The following SCAPER variants were observed in gnomAD, a reference collection of about 807,000 sequenced individuals.
The protein encoded by SCAPER is S phase cyclin A-associated protein in the endoplasmic reticulum.
A neutral mutation model predicts 182.2 loss-of-function variants in SCAPER; 98 were observed. The observed-to-expected ratio is 0.54, with a 90% CI of 0.46 to 0.64. The LOEUF (loss-of-function observed/expected upper bound fraction) is 0.64, where lower values mean the gene tolerates loss of function less well. SCAPER is among the 30% of genes least tolerant of loss of function. The pLI is 0.00. For synonymous variants in SCAPER, 605 were observed against 564.6 expected (o/e 1.07, Z -1.01); for missense variants, 1,432 against 1,690.0 (o/e 0.85, Z 2.68).
chr15:76,430,392 A>G (rs1425495747), intron 26 of SCAPER, among the ~76,000 whole-genome samples: 1 of 152,240 alleles, frequency 6.6e-6, no homozygotes, highest in African/African-American at 2.4e-5. Flanking sequence ...GAAAAACTGC[A>G]GACACTCAAT....
intron 23 of SCAPER, among the ~76,000 whole-genome samples, chr15:76,521,553 T>A (rs907566885): frequency 6.6e-6 from 1 of 152,182 alleles, no homozygotes; most frequent in Admixed American, 6.5e-5. Context: ...AGTTCGGTTA[T>A]CCATTTGTGT....
intron 23 of SCAPER, among the ~76,000 whole-genome samples, chr15:76,520,212 G>GT (rs1290685785): frequency 6.6e-6 from 1 of 151,914 alleles, no homozygotes; most frequent in Admixed American, 6.6e-5. Flanking sequence ...GCTATCTTTT[G>GT]TTTTTTTGTT....
At chr15:76,547,317 C>T (rs1265111972) in intron 23 of SCAPER, among the ~76,000 whole-genome samples, 4 of 152,088 alleles carry the variant, frequency 2.6e-5, no homozygotes, top group Non-Finnish European at 4.4e-5. Flanking sequence ...TTATTAGCCA[C>T]GTGGATTTCT....
At chr15:76,779,170 A>G (rs889293324) in intron 8 of SCAPER, among the ~76,000 whole-genome samples, 1 of 152,120 alleles carries the variant, frequency 6.6e-6, no homozygotes, top group Non-Finnish European at 1.5e-5. Flanking sequence ...TATTAATATA[A>G]AAGAAATGAA....
In SCAPER at chr15:76,384,588, C is replaced by T. The variant is rs555879605; in HGVS notation, c.3468-2973G>A. Among the ~76,000 whole-genome samples the T allele has an allele frequency of 3.6e-4, 55 of 152,028 alleles. 1 individual carries two copies. In the South Asian group the frequency reaches 6.0e-3, roughly 17 times the overall value. The stretch of plus-strand genomic sequence containing the variant: ...AAATATTATCCTAATGAAATGAAAA[C>T]GGTAATTGAGGAAAATCTGCTAAAT... On this transcript the variant is annotated intron_variant, in intron 27 of 31. Transcript: ENST00000563290.
chr15:76,646,466 T>C (rs1003154012), intron 21 of SCAPER, among the ~76,000 whole-genome samples: 5 of 152,194 alleles, frequency 3.3e-5, no homozygotes, highest in African/African-American at 1.2e-4. Flanking sequence ...CATGCTGCTC[T>C]TTCAGCTCTC....
chr15:76,726,155 A>ATATATATAT (rs1491513286), intron 17 of SCAPER, among the ~76,000 whole-genome samples: 20 of 97,284 alleles, frequency 2.1e-4, no homozygotes, highest in South Asian at 3.2e-4. Flanking sequence ...ATATATATAT[A>ATATATATAT]AAAAACTCTA....
rs2063052689 is a variant in SCAPER, at chr15:76,765,453, A to G, written c.1497T>C (p.Ala499=). The G allele has an allele frequency of 6.2e-7, 1 of 1,613,402 alleles. No homozygotes were observed. Among genetic ancestry groups the G allele is most frequent in the African/African-American group, 1.3e-5 (1 of 74,900 alleles). The change falls in exon 13 of 32, where the codon GCT becomes GCC. Residue 499 remains alanine (A), a splice_region_variant and synonymous_variant. Coordinates refer to ENST00000563290, the MANE Select transcript of SCAPER (RefSeq NM_020843.4). ...ATGTATTTTGGCGCCAAGACTCACG[A>G]GCTGTTCAGAAAAAAATACTATTAT... ...DWNDVLADYE[A]RESWRQNTSW... is the part of the protein sequence containing the mutation.
chr15:76,691,157 T>C (rs2058333691), intron 20 of SCAPER, among the ~76,000 whole-genome samples: 1 of 151,916 alleles, frequency 6.6e-6, no homozygotes, highest in Non-Finnish European at 1.5e-5. Flanking sequence ...AAAAATCCAA[T>C]AGAATAAAAA....
chr15:76,828,542 A>C (rs927015794), intron 5 of SCAPER, among the ~76,000 whole-genome samples: 1 of 152,228 alleles, frequency 6.6e-6, no homozygotes, highest in African/African-American at 2.4e-5. Flanking sequence ...TTAAACACTC[A>C]TAAAACAATG....
At chr15:76,815,538 C>T (rs74338870) in intron 5 of SCAPER, among the ~76,000 whole-genome samples, 4,498 of 152,274 alleles carry the variant, frequency 0.03, 91 homozygotes, top group Non-Finnish European at 0.047. Context: ...CAGCCTACTA[C>T]ACACCTACGT....
At chr15:76,777,793 T>G (rs1251791170) in intron 8 of SCAPER, among the ~76,000 whole-genome samples, 1 of 152,128 alleles carries the variant, frequency 6.6e-6, no homozygotes, top group Non-Finnish European at 1.5e-5. Context: ...TACAAGTTGC[T>G]CCTCAACTTA....
At chr15:76,728,458 A>G in intron 17 of SCAPER, 137 bp downstream of exon 17, 2 of 1,113,492 alleles carry the variant, frequency 1.8e-6, no homozygotes, top group Non-Finnish European at 2.6e-6. Flanking sequence ...CACTTGAGTC[A>G]GAGAGTTCAA....
intron 20 of SCAPER, among the ~76,000 whole-genome samples, chr15:76,680,414 A>G (rs141541121): frequency 0.13 from 1,552 of 11,522 alleles, 21 homozygotes; most frequent in African/African-American, 0.2. Context: ...TGATGATGAT[A>G]ATAATAATAA....
chr15:76,455,421 G>A lies in SCAPER; in HGVS notation c.3078+15791C>T, dbSNP rs111254660. Among the ~76,000 whole-genome samples the A allele has an allele frequency of 4.5e-3, 679 of 152,080 alleles. 7 individuals are homozygous for A. The highest frequency in any genetic ancestry group is 0.016 in the African/African-American group (645 of 41,506). On this transcript the variant is annotated intron_variant, in intron 25 of 31. Coordinates refer to ENST00000563290, the MANE Select transcript of SCAPER (RefSeq NM_020843.4). ...ACCTTAACTGCATTATATTCAGAAC[G>A]CACTAATTGTATAATACTTCTATTT...
chr15:76,651,677 C>T (rs1312952827), intron 21 of SCAPER, among the ~76,000 whole-genome samples: 1 of 148,850 alleles, frequency 6.7e-6, no homozygotes, highest in Non-Finnish European at 1.5e-5. Flanking sequence ...CAGCCAAATT[C>T]TACCAGACAT....
chr15:76,567,757 A>ACTC (rs2047147140), intron 23 of SCAPER, among the ~76,000 whole-genome samples: 1 of 151,874 alleles, frequency 6.6e-6, no homozygotes, highest in African/African-American at 2.4e-5. Context: ...TTCCTTCTAT[A>ACTC]CTCTGGATGC....
At chr15:76,388,928 T>C (rs1377741140) in intron 27 of SCAPER, among the ~76,000 whole-genome samples, 4 of 151,044 alleles carry the variant, frequency 2.6e-5, no homozygotes, top group Non-Finnish European at 5.9e-5. Flanking sequence ...GACACTGCAC[T>C]CTAGCCTGGC....
chr15:76,459,516 T>G (rs1281110104), intron 25 of SCAPER, among the ~76,000 whole-genome samples: 1 of 149,018 alleles, frequency 6.7e-6, no homozygotes, highest in Non-Finnish European at 1.5e-5. Flanking sequence ...TCATGTCTTT[T>G]GCTCACTTTT....
Sources: gnomAD v4.1 joint callset for allele counts (sites outside exome capture counted in the v4.1 genomes callset) on GRCh38, gnomAD v4.1.1 for gene constraint, MANE v1.5 for transcripts, NCBI Gene and HGNC (gene_info 2026-07-23, HGNC 2026-07-21) for gene names.